Variants in CAPRIN2 observed in about 807,000 individuals in gnomAD.
CAPRIN2 encodes caprin family member 2.
Under a neutral mutation model 130.4 loss-of-function variants are expected in CAPRIN2, and 66 were observed. The observed-to-expected ratio is 0.51, with a 90% CI of 0.42 to 0.62. CAPRIN2 has a LOEUF of 0.62. Among genes scored for constraint, CAPRIN2 ranks in the 20% least tolerant of loss-of-function variants. The probability of loss-of-function intolerance (pLI) is 0.00; values close to 1 mark genes in which losing one functional copy is unlikely to be tolerated. For synonymous variants in CAPRIN2, 471 were observed against 444.1 expected (o/e 1.06, Z -0.76); for missense variants, 1,185 against 1,246.6 (o/e 0.95, Z 0.74).
At chr12:30,721,186 T>C (rs1267652524) in intron 11 of CAPRIN2, among the ~76,000 whole-genome samples, 2 of 152,192 alleles carry the variant, frequency 1.3e-5, no homozygotes, top group African/African-American at 4.8e-5. Flanking sequence ...GAGCTGAGAT[T>C]CAAACTCAAG....
At chr12:30,720,975 T>C (rs2059246322) in intron 11 of CAPRIN2, 60 bp from the exon 13 acceptor site, 1 of 1,220,622 alleles carries the variant, frequency 8.2e-7, no homozygotes, top group African/African-American at 1.5e-5. Context: ...TTATATTTCT[T>C]GGGCCCTGGC....
chr12:30,734,868 ACACACACACACACACACACT>A (rs1565645625), intron 4 of CAPRIN2, 80 bp downstream of exon 5: 5 of 751,396 alleles, frequency 6.7e-6, no homozygotes, highest in Non-Finnish European at 7.1e-6. Context: ...ACACACACAC[ACACACACACACACACACACT>A]CTCTCTCTCA....
chr12:30,714,612 C>T (rs1197501805), intron 14 of CAPRIN2, among the ~76,000 whole-genome samples: 1 of 152,078 alleles, frequency 6.6e-6, no homozygotes, highest in African/African-American at 2.4e-5. Flanking sequence ...TAACAAATAA[C>T]TAGAAATAAT....
chr12:30,725,372 A>G (rs1267128952), intron 9 of CAPRIN2, among the ~76,000 whole-genome samples: 3 of 152,220 alleles, frequency 2.0e-5, no homozygotes, highest in Non-Finnish European at 4.4e-5. Context: ...AACAGCTGGT[A>G]AGTAACAGAA....
exon 10 of CAPRIN2, chr12:30,724,423 G>A: frequency 6.2e-7 from 1 of 1,612,614 alleles, no homozygotes; most frequent in Non-Finnish European, 8.5e-7. Flanking sequence ...AATTGCACTT[G>A]AAGGTTTGTC....
intron 3 of CAPRIN2, among the ~76,000 whole-genome samples, chr12:30,740,756 TAATTA>T (rs2139044257): frequency 6.6e-6 from 1 of 152,342 alleles, no homozygotes; most frequent in South Asian, 2.1e-4. Flanking sequence ...TATAATTCTG[TAATTA>T]AATAACATAC....
intron 12 of CAPRIN2, 199 bp downstream of exon 13, chr12:30,720,612 C>T: frequency 2.1e-6 from 1 of 473,860 alleles, no homozygotes; most frequent in Non-Finnish European, 3.8e-6. Flanking sequence ...TAAGGCAATA[C>T]CATATTAAAT....
exon 8 of CAPRIN2, chr12:30,729,032 C>G (rs150454218): frequency 9.9e-6 from 16 of 1,614,036 alleles, no homozygotes; most frequent in Non-Finnish European, 1.4e-5. Flanking sequence ...TAGGAGATGG[C>G]TTGGATTTGG....
chr12:30,742,946 CA>C (rs1254660024), intron 2 of CAPRIN2, among the ~76,000 whole-genome samples: 19 of 152,124 alleles, frequency 1.2e-4, no homozygotes, highest in African/African-American at 4.3e-4. Flanking sequence ...CCAGGATACA[CA>C]GTCCTCAGAG....
chr12:30,730,179 C>A, intron 7 of CAPRIN2, 60 bp downstream of exon 8: 1 of 1,377,276 alleles, frequency 7.3e-7, no homozygotes, highest in South Asian at 1.2e-5. Context: ...AGCTTCCAAC[C>A]ATAACCCTAT....
At chr12:30,744,249 CTT>C (rs2068819785) in intron 2 of CAPRIN2, among the ~76,000 whole-genome samples, 1 of 152,206 alleles carries the variant, frequency 6.6e-6, no homozygotes, top group Non-Finnish European at 1.5e-5. Flanking sequence ...ACAGGCAACT[CTT>C]TTCTAATTTC....
intron 5 of CAPRIN2, among the ~76,000 whole-genome samples, chr12:30,732,554 T>C (rs112290851): frequency 0.011 from 1,677 of 152,124 alleles, 24 homozygotes; most frequent in African/African-American, 0.038. Context: ...TGCAATTAAT[T>C]GTCCTCTCCT....
At chr12:30,717,365 T>G (rs2057960468) in intron 12 of CAPRIN2, among the ~76,000 whole-genome samples, 1 of 152,128 alleles carries the variant, frequency 6.6e-6, no homozygotes. Flanking sequence ...TAATATGAGG[T>G]AGAATAGGTA....
Position 30,709,848 on chromosome 12 carries a change from T to C in CAPRIN2, c.*54A>G, listed in dbSNP as rs1440990923. The C allele has an allele frequency of 2.0e-6, 3 of 1,534,086 alleles. No homozygotes were observed. The African/African-American group carries it at 4.1e-5, about 21-fold the overall frequency. ...TCATGAGGGCAAAGACTACTTTTCC[T>C]TCAATCCCACTAATTAGAACACCAT... On this transcript the variant is annotated 3_prime_UTR_variant, in exon 17 of 17. Coordinates refer to ENST00000298892, the Ensembl canonical transcript of CAPRIN2.
At chr12:30,736,519 A>G (rs908287381) in intron 3 of CAPRIN2, among the ~76,000 whole-genome samples, 1 of 152,200 alleles carries the variant, frequency 6.6e-6, no homozygotes, top group Non-Finnish European at 1.5e-5. Flanking sequence ...AATTAGGGGG[A>G]AAACCTCATG....
chr12:30,752,077 C>A, intron 1 of CAPRIN2, among the ~76,000 whole-genome samples: 1 of 151,836 alleles, frequency 6.6e-6, no homozygotes, highest in East Asian at 1.9e-4. Context: ...CCCCACCACG[C>A]CTGGCTAATT....
chr12:30,715,124 C>T (rs759084080), exon 14 of CAPRIN2: 4 of 1,613,836 alleles, frequency 2.5e-6, no homozygotes, highest in South Asian at 1.1e-5. Context: ...TGAATAGTTC[C>T]ATCAGGATGA....
At position 30,750,366 on chromosome 12, in the gene CAPRIN2, GC is replaced by G. The variant is rs558230532; in HGVS notation, c.483+704del. Among the ~76,000 whole-genome samples the G allele has an allele frequency of 6.8e-4, 103 of 152,284 alleles. 2 individuals are homozygous for G. The South Asian group carries it at 0.013, about 19-fold the overall frequency. ...TTTCAAATAAATGTGTCCCTTCTTA[GC>G]CAGGAGACATGATCAAGTCAAAATG... On this transcript the variant is annotated intron_variant, in intron 2 of 16. Coordinates refer to ENST00000298892, the Ensembl canonical transcript of CAPRIN2.
chr12:30,730,230 G>A lies in CAPRIN2; in HGVS notation c.1104+9C>T, dbSNP rs781292567. ...ATCAACATCAGCAAATTGTCTTTCA[G>A]TATCTTACCTCTTGTGGTTGTATCT... On this transcript the variant is annotated intron_variant, in intron 7 of 16. Coordinates refer to ENST00000298892, the Ensembl canonical transcript of CAPRIN2. The A allele has an allele frequency of 6.2e-7, 1 of 1,606,452 alleles. No individual in the cohort carries two copies. Among genetic ancestry groups the A allele is most frequent in the Non-Finnish European group, 8.5e-7 (1 of 1,173,234 alleles).
Sources: gnomAD v4.1 joint callset for allele counts (sites outside exome capture counted in the v4.1 genomes callset) on GRCh38, gnomAD v4.1.1 for gene constraint, MANE v1.5 for transcripts, NCBI Gene and HGNC (gene_info 2026-07-23, HGNC 2026-07-21) for gene names.